AK4: variants seen among roughly 807,000 people sequenced by gnomAD.
AK4 encodes the protein adenylate kinase 4, mitochondrial.
A neutral mutation model predicts 24.6 loss-of-function variants in AK4; 13 were observed. That is an observed-to-expected ratio of 0.53 (90% confidence interval 0.34 to 0.84). AK4 has a LOEUF of 0.84. Ranked by LOEUF, AK4 falls within the 40% of genes least tolerant of loss-of-function variation. The pLI, the probability that AK4 is intolerant of heterozygous loss-of-function variation, is 0.01. For synonymous variants in AK4, 88 were observed against 107.0 expected (o/e 0.82, Z 1.10); for missense variants, 192 against 288.2 (o/e 0.67, Z 2.42).
chr1:65,178,095 T>C (rs1238726106), intron 1 of AK4, among the ~76,000 whole-genome samples: 2 of 152,106 alleles, frequency 1.3e-5, no homozygotes, highest in African/African-American at 4.8e-5. Context: ...TCTAATAATT[T>C]GTAGGGTCCT....
chr1:65,208,816 A>G (rs1325358285), intron 2 of AK4, among the ~76,000 whole-genome samples: 1 of 152,188 alleles, frequency 6.6e-6, no homozygotes, highest in Non-Finnish European at 1.5e-5. Context: ...CCTACTTTCT[A>G]TTCCCCACCA....
At chr1:65,164,827 T>C (rs1156310698) in intron 1 of AK4, among the ~76,000 whole-genome samples, 1 of 152,246 alleles carries the variant, frequency 6.6e-6, no homozygotes, top group Non-Finnish European at 1.5e-5. Flanking sequence ...TAATCCACAG[T>C]GTAGCCATTG....
chr1:65,190,048 A>G (rs1651240952), intron 1 of AK4, among the ~76,000 whole-genome samples: 1 of 152,148 alleles, frequency 6.6e-6, no homozygotes, highest in Admixed American at 6.5e-5. Flanking sequence ...AGTCTTCTGT[A>G]CATTGTGTGG....
chr1:65,216,333 A>G (rs1032907233), intron 2 of AK4, among the ~76,000 whole-genome samples: 1 of 152,138 alleles, frequency 6.6e-6, no homozygotes, highest in Non-Finnish European at 1.5e-5. Flanking sequence ...GAGTTTTGCC[A>G]GGCTGGTCTC....
intron 1 of AK4, among the ~76,000 whole-genome samples, chr1:65,183,815 T>A (rs1471489498): frequency 6.6e-6 from 1 of 152,114 alleles, no homozygotes; most frequent in Non-Finnish European, 1.5e-5. Context: ...GAGTCCAACA[T>A]CCTACTCCTT....
In AK4 at chr1:65,152,733, A is replaced by T. The variant is rs186584525; in HGVS notation, c.145+4181A>T. On this transcript the variant is annotated intron_variant, in intron 1 of 4. Coordinates refer to ENST00000327299, the MANE Select transcript of AK4 (RefSeq NM_013410.4). ...CAATATTAACTGCAGCTCTTGCTGG[A>T]GTTTTGCTGATGGGACTAGCATTTC... is the stretch of plus-strand genomic sequence containing the variant. 1.8e-4 allele frequency among the ~76,000 whole-genome samples: 27 copies of T among 152,056 alleles called. 1 individual carries two copies. The East Asian group carries it at 5.2e-3, about 29-fold the overall frequency.
At chr1:65,210,700 T>C (rs1651947978) in intron 2 of AK4, among the ~76,000 whole-genome samples, 1 of 152,126 alleles carries the variant, frequency 6.6e-6, no homozygotes, top group Non-Finnish European at 1.5e-5. Context: ...ATCCTTCATA[T>C]CTTTCTTCTC....
At chr1:65,167,549 G>A (rs556124319) in intron 1 of AK4, among the ~76,000 whole-genome samples, 12 of 150,774 alleles carry the variant, frequency 8.0e-5, no homozygotes, top group African/African-American at 2.9e-4. Context: ...CAAAAAAAAT[G>A]CAAGATCTCC....
At chr1:65,198,006 T>C (rs1651535978) in intron 2 of AK4, among the ~76,000 whole-genome samples, 1 of 152,242 alleles carries the variant, frequency 6.6e-6, no homozygotes, top group Non-Finnish European at 1.5e-5. Flanking sequence ...TTTAGAAGGT[T>C]ACTGAAGAAT....
rs1652565894 is a variant in AK4, at chr1:65,229,384, A to T, written c.*3207A>T. ...CTCCATCTCTACGGAAAAGTAAAAA[A>T]TTAGCCAGTCATGGTGGTGTACACT... On this transcript the variant is annotated 3_prime_UTR_variant, in exon 5 of 5. Transcript: ENST00000327299. 1 of 152,196 alleles carries T rather than the reference A, an allele frequency of 6.6e-6. No homozygotes were observed. The highest frequency in any genetic ancestry group is 2.4e-5 in the African/African-American group (1 of 41,440). The allele number at this position is 152,196 out of a possible 1,614,324, so 9.4% of individuals were successfully genotyped here.
chr1:65,213,449 T>A (rs1166235452), intron 2 of AK4, among the ~76,000 whole-genome samples: 1 of 152,104 alleles, frequency 6.6e-6, no homozygotes, highest in East Asian at 1.9e-4. Context: ...GAGCTGTAAC[T>A]GCCACAGAGA....
rs373958044 is a variant in AK4 at position 65,181,054 on chromosome 1, A to AT, written c.146-9653dup. Among the ~76,000 whole-genome samples the AT allele has an allele frequency of 7.0e-4, 105 of 150,780 alleles. 1 individual carries two copies. The highest frequency in any genetic ancestry group is 2.5e-3 in the African/African-American group (102 of 40,966). On this transcript the variant is annotated intron_variant, in intron 1 of 4. Coordinates refer to ENST00000327299, the MANE Select transcript of AK4 (RefSeq NM_013410.4). The stretch of plus-strand genomic sequence containing the variant: ...GGTGACTTAGCCAGGCATCTTGGGA[A>AT]TTTGCTGTTTTGTGAACATTCGTTC...
intron 2 of AK4, among the ~76,000 whole-genome samples, chr1:65,213,402 G>A (rs1334905559): frequency 6.6e-6 from 1 of 152,092 alleles, no homozygotes; most frequent in Non-Finnish European, 1.5e-5. Context: ...GTGCTGTGCT[G>A]GGGTTGAGCT....
rs1017366101 is a variant in AK4 at position 65,228,873 on chromosome 1, C to T, written c.*2696C>T. The T allele has an allele frequency of 2.0e-5, 3 of 152,138 alleles. No homozygotes were observed. The highest frequency in any genetic ancestry group is 4.4e-5 in the Non-Finnish European group (3 of 68,022). 9.4% of individuals were successfully genotyped at this position (152,138 alleles called of 1,614,324 possible). On this transcript the variant is annotated 3_prime_UTR_variant, in exon 5 of 5. Transcript: ENST00000327299. ...TTGCTTCCATTATCCTAACAGGCTT[C>T]TTTCTTACTTAGAACTTGGAAAGGC...
At chr1:65,220,859 C>G (rs1485713429) in intron 3 of AK4, among the ~76,000 whole-genome samples, 1 of 152,024 alleles carries the variant, frequency 6.6e-6, no homozygotes, top group African/African-American at 2.4e-5. Context: ...TTATGTATAT[C>G]TGTTTGTGTG....
chr1:65,156,227 T>C (rs1381019662), intron 1 of AK4, among the ~76,000 whole-genome samples: 2 of 152,220 alleles, frequency 1.3e-5, no homozygotes, highest in East Asian at 1.9e-4. Context: ...GAAAGTTTCA[T>C]GCCTATCCCT....
intron 1 of AK4, among the ~76,000 whole-genome samples, chr1:65,177,912 CA>C (rs965310858): frequency 2.0e-5 from 3 of 149,878 alleles, no homozygotes; most frequent in African/African-American, 7.4e-5. Context: ...CAAGGCTTGC[CA>C]AAGAATCAGA....
At chr1:65,215,050 A>G (rs1157622654) in intron 2 of AK4, among the ~76,000 whole-genome samples, 1 of 152,156 alleles carries the variant, frequency 6.6e-6, no homozygotes, top group African/African-American at 2.4e-5. Flanking sequence ...GAATCGGGGT[A>G]AATATTAGAA....
chr1:65,226,418 C>G lies in AK4; in HGVS notation c.*241C>G, dbSNP rs1337135147. ...GTCTCTGCACATGTCTCAAGCCCATCACAAGAAAGCAAGTACAGTGTGGAT... is the reference window on the plus strand; with the variant it reads ...GTCTCTGCACATGTCTCAAGCCCATGACAAGAAAGCAAGTACAGTGTGGAT... On this transcript the variant is annotated 3_prime_UTR_variant, in exon 5 of 5. Coordinates refer to ENST00000327299, the MANE Select transcript of AK4 (RefSeq NM_013410.4). 1 of 433,128 alleles carries G rather than the reference C, an allele frequency of 2.3e-6. No homozygotes were observed. Among genetic ancestry groups the G allele is most frequent in the African/African-American group, 2.0e-5 (1 of 50,378 alleles). 26.8% of individuals were successfully genotyped at this position (433,128 alleles called of 1,614,324 possible).
Sources: gnomAD v4.1 joint callset for allele counts (sites outside exome capture counted in the v4.1 genomes callset) on GRCh38, gnomAD v4.1.1 for gene constraint, MANE v1.5 for transcripts, NCBI Gene and HGNC (gene_info 2026-07-23, HGNC 2026-07-21) for gene names.